Variants in RPS6KA2 observed in about 807,000 individuals in gnomAD.
RPS6KA2 encodes the protein ribosomal protein S6 kinase A2, also known as ribosomal protein S6 kinase alpha-2.
A neutral mutation model predicts 91.8 loss-of-function variants in RPS6KA2; 42 were observed. That is an observed-to-expected ratio of 0.46 (90% CI 0.36 to 0.59). RPS6KA2 has a LOEUF of 0.59. Ranked by LOEUF, RPS6KA2 falls within the 20% of genes least tolerant of loss-of-function variation. The pLI, the probability that RPS6KA2 is intolerant of heterozygous loss-of-function variation, is 0.00. For missense variants in RPS6KA2, 798 were observed against 978.5 expected (o/e 0.82, Z 2.46); for synonymous variants, 414 against 393.6 (o/e 1.05, Z -0.61).
chr6:166,549,730 G>A (rs1487397100), intron 1 of RPS6KA2, among the ~76,000 whole-genome samples: 1 of 152,150 alleles, frequency 6.6e-6, no homozygotes, highest in Non-Finnish European at 1.5e-5. Context: ...TCTTCATCAG[G>A]ATGGTATTGC....
In RPS6KA2 at chr6:166,575,512, G is replaced by A. The variant is rs1242440082; in HGVS notation, c.100-36728C>T. On this transcript the variant is annotated intron_variant, in intron 1 of 20. Coordinates refer to ENST00000265678, the MANE Select transcript of RPS6KA2 (RefSeq NM_021135.6). ...AAAGCCAGCTTCTATTTTAAATGACGATCCACTGATGAGCAGATGGGTTTG... is the reference window on the plus strand; with the variant it reads ...AAAGCCAGCTTCTATTTTAAATGACAATCCACTGATGAGCAGATGGGTTTG... Among the ~76,000 whole-genome samples, 6 of 152,306 alleles carry A rather than the reference G, an allele frequency of 3.9e-5. No homozygotes were observed. The East Asian group carries it at 7.7e-4, about 20-fold the overall frequency.
At chr6:166,735,475 A>T (rs1432679274) in intron 2 of RPS6KA2, among the ~76,000 whole-genome samples, 1 of 152,200 alleles carries the variant, frequency 6.6e-6, no homozygotes, top group African/African-American at 2.4e-5. Flanking sequence ...TGTGTACTTT[A>T]TTCCTATCCT....
intron 2 of RPS6KA2, among the ~76,000 whole-genome samples, chr6:166,675,513 TC>T (rs1385509409): frequency 2.0e-5 from 3 of 151,028 alleles, no homozygotes; most frequent in Admixed American, 6.6e-5. Context: ...CCCTGGAAAA[TC>T]CCCTCCCCAG....
At chr6:166,659,875 G>A (rs528134521) in intron 2 of RPS6KA2, among the ~76,000 whole-genome samples, 30 of 152,320 alleles carry the variant, frequency 2.0e-4, no homozygotes, top group Non-Finnish European at 3.7e-4. Context: ...TCACTGGCTG[G>A]TTGTAAGAAT....
chr6:166,415,377 T>C (rs1200157078), intron 19 of RPS6KA2, among the ~76,000 whole-genome samples: 1 of 152,186 alleles, frequency 6.6e-6, no homozygotes, highest in African/African-American at 2.4e-5. Flanking sequence ...ACCTGTAGGA[T>C]GTGGAGAAAG....
chr6:166,768,606 G>A (rs1778384705), intron 2 of RPS6KA2, among the ~76,000 whole-genome samples: 1 of 152,156 alleles, frequency 6.6e-6, no homozygotes, highest in South Asian at 2.1e-4. Flanking sequence ...TGTACAGAGA[G>A]AGGTGAGTAG....
upstream of RPS6KA2, among the ~76,000 whole-genome samples, chr6:166,630,354 C>G (rs574816147): frequency 6.6e-6 from 1 of 152,378 alleles, no homozygotes; most frequent in Non-Finnish European, 1.5e-5. Flanking sequence ...AACAGTCCTA[C>G]AGGCTGCTGA....
At chr6:166,452,221 T>A (rs1020307222) in intron 12 of RPS6KA2, among the ~76,000 whole-genome samples, 2 of 152,174 alleles carry the variant, frequency 1.3e-5, no homozygotes, top group Admixed American at 1.3e-4. Context: ...GAAAGTCAAC[T>A]GGCAACATTT....
intron 1 of RPS6KA2, among the ~76,000 whole-genome samples, chr6:166,569,737 C>T (rs1409045906): frequency 1.3e-5 from 2 of 152,148 alleles, no homozygotes; most frequent in Non-Finnish European, 2.9e-5. Context: ...TTACTCTGCA[C>T]GGTGATTCGG....
chr6:166,728,579 C>T (rs955619202), intron 2 of RPS6KA2, among the ~76,000 whole-genome samples: 31 of 152,090 alleles, frequency 2.0e-4, no homozygotes, highest in Admixed American at 1.4e-3. Flanking sequence ...CCCTCCTCCC[C>T]GTCAGCCAGA....
At chr6:166,812,341 G>A (rs916731075) in intron 2 of RPS6KA2, among the ~76,000 whole-genome samples, 42 of 152,212 alleles carry the variant, frequency 2.8e-4, no homozygotes, top group African/African-American at 9.7e-4. Context: ...GGGCGACAGA[G>A]TGAGACTCCA....
chr6:166,584,831 T>C (rs1785118917), intron 1 of RPS6KA2, among the ~76,000 whole-genome samples: 1 of 152,228 alleles, frequency 6.6e-6, no homozygotes, highest in South Asian at 2.1e-4. Context: ...ATTGATCTAT[T>C]TGAAATGCAA....
At position 166,635,516 on chromosome 6, in the gene RPS6KA2, TC is replaced by T. The variant is rs1370217829; in HGVS notation, c.124-96733del. ...GATACACAGGGACAGACAAGGGTGT[TC>T]CGTCAGGGAAGCTCAGGCTAAAGGC... On this transcript the variant is annotated intron_variant, in intron 2 of 21. Transcript: ENST00000503859. This position sits in a 1 kb window ranked among gnomAD's most constrained non-coding sequence, Gnocchi z 4.8. Among the ~76,000 whole-genome samples, 1 of 152,232 alleles carries T rather than the reference TC, an allele frequency of 6.6e-6. No individual in the cohort carries two copies. The highest frequency in any genetic ancestry group is 2.4e-5 in the African/African-American group (1 of 41,466).
intron 3 of RPS6KA2, among the ~76,000 whole-genome samples, chr6:166,527,422 T>C (rs3799648): frequency 0.2 from 29,784 of 152,132 alleles, 3,102 homozygotes; most frequent in African/African-American, 0.26. Flanking sequence ...CCGCATCCAC[T>C]TGCCTTTGTC....
At chr6:166,489,130 AC>A (rs376290047) in intron 9 of RPS6KA2, among the ~76,000 whole-genome samples, 14 of 152,290 alleles carry the variant, frequency 9.2e-5, no homozygotes, top group Admixed American at 9.2e-4. Context: ...TGTGATATTT[AC>A]CACAGTAGAA....
In RPS6KA2 at chr6:166,614,090, C is replaced by T. The variant is rs149205083; in HGVS notation, c.99+12831G>A. ...ACTCTGCCCCACACCCTCTAGGGGCCAATCACCTCTTTCATTCAGCCCTGC... is the reference window on the plus strand; with the variant it reads ...ACTCTGCCCCACACCCTCTAGGGGCTAATCACCTCTTTCATTCAGCCCTGC... On this transcript the variant is annotated intron_variant, in intron 1 of 20. Coordinates refer to ENST00000265678, the MANE Select transcript of RPS6KA2 (RefSeq NM_021135.6). 2.0e-5 allele frequency among the ~76,000 whole-genome samples: 3 copies of T among 152,358 alleles called. No homozygotes were observed. The East Asian group carries it at 5.8e-4, about 29-fold the overall frequency.
intron 2 of RPS6KA2, among the ~76,000 whole-genome samples, chr6:166,668,897 CTT>C (rs1199119317): frequency 2.3e-5 from 2 of 87,554 alleles, no homozygotes. Flanking sequence ...TCTTTCTTTT[CTT>C]TTTTTTTTTT....
chr6:166,814,287 A>T (rs1779708429), intron 2 of RPS6KA2, among the ~76,000 whole-genome samples: 1 of 152,246 alleles, frequency 6.6e-6, no homozygotes, highest in Non-Finnish European at 1.5e-5. Context: ...CTAATTTAAA[A>T]ATCATATGAG....
chr6:166,658,640 G>GGGGAGT (rs1195982082), intron 2 of RPS6KA2, among the ~76,000 whole-genome samples: 5 of 152,204 alleles, frequency 3.3e-5, no homozygotes, highest in Non-Finnish European at 5.9e-5. Context: ...CCCAGGGCAC[G>GGGGAGT]GGGAGTAGGA....
Sources: allele counts gnomAD v4.1 joint callset (sites outside exome capture counted in the v4.1 genomes callset), GRCh38; gene constraint gnomAD v4.1.1; non-coding constraint Gnocchi (gnomAD v3.1); transcripts MANE v1.5; gene names NCBI Gene and HGNC (gene_info 2026-07-23, HGNC 2026-07-21).